Variants in CYP4X1 observed in about 807,000 individuals in gnomAD.
The protein encoded by CYP4X1 is cytochrome P450 4X1.
CYP4X1 carries 44 observed loss-of-function variants against 57.9 expected under a neutral mutation model. The observed-to-expected ratio is 0.76, with a 90% CI of 0.60 to 0.98. CYP4X1 has a LOEUF of 0.98. CYP4X1 is among the 50% of genes least tolerant of loss of function. The pLI is 0.00. For synonymous variants in CYP4X1, 227 were observed against 228.6 expected, an observed-to-expected ratio of 0.99 and a Z score of 0.06; for missense variants, 532 against 623.9, an observed-to-expected ratio of 0.85 and a Z score of 1.57.
chr1:47,004,331 C>T, the CYP4X1 span, among the ~76,000 whole-genome samples: 1 of 152,348 alleles, frequency 6.6e-6, no homozygotes, highest in Middle Eastern at 3.4e-3. Flanking sequence ...AACCTAGACA[C>T]CCTCCACCAG....
downstream of CYP4X1, among the ~76,000 whole-genome samples, chr1:47,052,436 T>A (rs1401613451): frequency 1.3e-5 from 2 of 152,192 alleles, no homozygotes; most frequent in African/African-American, 4.8e-5. Context: ...GATAACAAGT[T>A]CACAAAGGCA....
the CYP4X1 span, among the ~76,000 whole-genome samples, chr1:47,017,028 G>T: frequency 6.0e-4 from 91 of 152,256 alleles, no homozygotes; most frequent in African/African-American, 1.9e-3. Flanking sequence ...GCAAATGACA[G>T]GATCTCATTC....
chr1:47,031,114 G>T (rs1644119419), intron 2 of CYP4X1, among the ~76,000 whole-genome samples: 1 of 152,242 alleles, frequency 6.6e-6, no homozygotes, highest in African/African-American at 2.4e-5. Context: ...CTTCTGTAAA[G>T]GATATATGTT....
chr1:47,022,283 CTTTTTTTTTTTTT>C (rs11352280), upstream of CYP4X1, among the ~76,000 whole-genome samples: 15 of 77,312 alleles, frequency 1.9e-4, no homozygotes, highest in African/African-American at 3.1e-4. Flanking sequence ...TGGGGCCTGT[CTTTTTTTTTTTTT>C]TTTTTTTTTT....
intron 8 of CYP4X1, among the ~76,000 whole-genome samples, chr1:47,041,823 C>T (rs1416642391): frequency 6.6e-6 from 1 of 152,036 alleles, no homozygotes; most frequent in Non-Finnish European, 1.5e-5. Flanking sequence ...GTTGACTATA[C>T]TTCCAGAGTT....
chr1:46,979,010 A>T, the CYP4X1 span, among the ~76,000 whole-genome samples: 1 of 152,248 alleles, frequency 6.6e-6, no homozygotes, highest in Non-Finnish European at 1.5e-5. Context: ...CTAAATGCCC[A>T]CAAGAGAAAC....
chr1:47,023,977 T>C lies in CYP4X1; in HGVS notation c.160T>C (p.Phe54Leu). The C allele has an allele frequency of 6.2e-7, 1 of 1,612,568 alleles. No individual in the cohort carries two copies. Among genetic ancestry groups the C allele is most frequent in the Non-Finnish European group, 8.5e-7 (1 of 1,179,674 alleles). ...RPFPAPPTHW[F>L]LGHQKFIQDD... Reference sequence around the variant, plus strand: ...CTTCCCAGCGCCCCCCACCCACTGGTTCCTTGGGCACCAGAAGGTAGATGG... The same window carrying C: ...CTTCCCAGCGCCCCCCACCCACTGGCTCCTTGGGCACCAGAAGGTAGATGG... Residue 54 changes from phenylalanine to leucine, a missense_variant, in exon 1 of 12, where the codon TTC becomes CTC. Physicochemically the swap from Phe to Leu is conservative, Grantham distance 22. Coordinates refer to ENST00000371901, the MANE Select transcript of CYP4X1 (RefSeq NM_178033.2).
the CYP4X1 span, among the ~76,000 whole-genome samples, chr1:46,975,454 T>C: frequency 2.6e-5 from 4 of 151,522 alleles, no homozygotes. Flanking sequence ...AAATTCTTGG[T>C]TGGGATTTCT....
rs897353701 is a variant in CYP4X1, at chr1:47,046,037, T to C, written c.1074-430T>C. ...TCTAAGTGATCCTCTTGAAGCCTCT[T>C]GTTTAAGATGGGGGAAGCACCCTTC... On this transcript the variant is annotated intron_variant, in intron 8 of 11. Coordinates refer to ENST00000371901, the MANE Select transcript of CYP4X1 (RefSeq NM_178033.2). Among the ~76,000 whole-genome samples the C allele has an allele frequency of 3.3e-5, 5 of 152,228 alleles. 1 individual carries two copies. In the South Asian group the frequency reaches 6.2e-4, roughly 19 times the overall value.
the CYP4X1 span, chr1:46,994,334 C>G: frequency 6.6e-6 from 1 of 152,268 alleles, no homozygotes; most frequent in Non-Finnish European, 1.5e-5. Flanking sequence ...ATTACTGTAG[C>G]CTTGTAGTAT....
rs1350811779 is a variant in CYP4X1, at chr1:47,031,428, C to T, written c.320-8C>T. The T allele has an allele frequency of 1.2e-6, 2 of 1,613,886 alleles. No homozygotes were observed. Among genetic ancestry groups the T allele is most frequent in the East Asian group, 4.5e-5 (2 of 44,888 alleles). On this transcript the variant is annotated splice_polypyrimidine_tract_variant and splice_region_variant and intron_variant, in intron 2 of 11. Transcript: ENST00000371901. ...GATGTCTTTTGTTTCCTCTGCTTGA[C>T]TCTGCAGATCCCAAGTCCCAGTACC... is the stretch of plus-strand genomic sequence containing the variant.
chr1:46,969,407 T>C, the CYP4X1 span, among the ~76,000 whole-genome samples: 1 of 152,188 alleles, frequency 6.6e-6, no homozygotes, highest in African/African-American at 2.4e-5. Context: ...ATGGAACTCG[T>C]CCTGTCCTCT....
chr1:47,001,481 C>T, the CYP4X1 span, among the ~76,000 whole-genome samples: 2 of 152,060 alleles, frequency 1.3e-5, no homozygotes, highest in Admixed American at 1.3e-4. Flanking sequence ...CGACAGGCAC[C>T]CAGATCCTCA....
At chr1:47,040,191 C>G (rs963650694) in intron 8 of CYP4X1, among the ~76,000 whole-genome samples, 5 of 152,022 alleles carry the variant, frequency 3.3e-5, no homozygotes, top group Non-Finnish European at 5.9e-5. Flanking sequence ...TATGTGCTGG[C>G]TAACACAAAG....
chr1:47,019,020 G>A (rs933421978), upstream of CYP4X1, among the ~76,000 whole-genome samples: 3 of 152,142 alleles, frequency 2.0e-5, no homozygotes, highest in South Asian at 2.1e-4. Flanking sequence ...TTTTATTTCT[G>A]TAACTGGTTA....
chr1:47,040,726 A>G (rs1475264977), intron 8 of CYP4X1, among the ~76,000 whole-genome samples: 1 of 152,150 alleles, frequency 6.6e-6, no homozygotes, highest in African/African-American at 2.4e-5. Flanking sequence ...ATATTTTGAT[A>G]TATGTATACA....
At chr1:47,012,831 G>T in the CYP4X1 span, among the ~76,000 whole-genome samples, 1 of 152,296 alleles carries the variant, frequency 6.6e-6, no homozygotes, top group Non-Finnish European at 1.5e-5. Flanking sequence ...CCACTTCCTG[G>T]TACTTGGGAG....
intron 1 of CYP4X1, among the ~76,000 whole-genome samples, chr1:47,024,230 A>G (rs1364560910): frequency 6.6e-6 from 1 of 152,240 alleles, no homozygotes; most frequent in Non-Finnish European, 1.5e-5. Context: ...GGGCTGGGAG[A>G]GAGCTATTTA....
At chr1:46,983,802 T>A in the CYP4X1 span, among the ~76,000 whole-genome samples, 1 of 152,092 alleles carries the variant, frequency 6.6e-6, no homozygotes, top group Non-Finnish European at 1.5e-5. Flanking sequence ...CCAGCCCAGA[T>A]AATACAGAGC....
Sources: allele counts gnomAD v4.1 joint callset (sites outside exome capture counted in the v4.1 genomes callset), GRCh38; gene constraint gnomAD v4.1.1; transcripts MANE v1.5; gene names NCBI Gene and HGNC (gene_info 2026-07-23, HGNC 2026-07-21).